Variants in EHHADH observed in about 807,000 individuals in gnomAD.
EHHADH encodes enoyl-CoA hydratase and 3-hydroxyacyl CoA dehydrogenase, also known as peroxisomal bifunctional enzyme.
Under a neutral mutation model 64.4 loss-of-function variants are expected in EHHADH, and 48 were observed. The ratio of observed to expected loss-of-function variants is 0.75; its 90% CI spans 0.59 to 0.95. The LOEUF is 0.95. Among genes scored for constraint, EHHADH ranks in the 40% least tolerant of loss-of-function variants. EHHADH has a pLI of 0.00. For synonymous variants in EHHADH, 308 were observed against 326.7 expected (o/e 0.94, Z 0.62); for missense variants, 854 against 876.6 (o/e 0.97, Z 0.33).
Position 185,192,479 on chromosome 3 carries a change from G to A in EHHADH, c.1919C>T (p.Ala640Val). Residue 640 changes from alanine (A) to valine (V), a missense_variant, in exon 7 of 7, where the codon GCT (alanine) becomes GTT (valine). Ala to Val is a moderately conservative substitution (Grantham distance 64). Transcript: ENST00000231887. Reference sequence around the variant, plus strand: ...AACATCAATGTGCTCTGGGCTAGCAGCTATCCCTTCTCCCAAGATACGGAA... The same window carrying A: ...AACATCAATGTGCTCTGGGCTAGCAACTATCCCTTCTCCCAAGATACGGAA... ...EAFRILGEGI[A>V]ASPEHIDVVY... 6.2e-7 allele frequency: 1 copy of A among 1,614,216 alleles called. No homozygotes were observed. Among genetic ancestry groups the A allele is most frequent in the East Asian group, 2.2e-5 (1 of 44,888 alleles).
chr3:185,218,163 C>T lies in EHHADH; in HGVS notation c.541G>A (p.Ala181Thr). The T allele has an allele frequency of 1.2e-6, 2 of 1,606,900 alleles. No individual in the cohort carries two copies. Among genetic ancestry groups the T allele is most frequent in the Non-Finnish European group, 1.7e-6 (2 of 1,177,240 alleles). ...KVVNSDPVEE[A>T]IRFAQRVSDQ... ...GAAACTCTCTGAGCAAATCTGATTG[C>T]TTCTTCAACCGGGTCTGAGTTTACA... Residue 181 changes from alanine to threonine, a missense_variant, in exon 5 of 7, where the codon GCA becomes ACA. By Grantham distance (58) the Ala-to-Thr change is moderately conservative. Coordinates refer to ENST00000231887, the MANE Select transcript of EHHADH (RefSeq NM_001966.4).
At chr3:185,226,011 T>C (rs555383680) in intron 4 of EHHADH, among the ~76,000 whole-genome samples, 4 of 152,314 alleles carry the variant, frequency 2.6e-5, no homozygotes, top group South Asian at 2.1e-4. Flanking sequence ...TCTATATCTA[T>C]CTATCTATCT....
intron 2 of EHHADH, among the ~76,000 whole-genome samples, chr3:185,236,072 T>C (rs768089912): frequency 1.3e-5 from 2 of 152,190 alleles, no homozygotes; most frequent in African/African-American, 4.8e-5. Flanking sequence ...ACATGTATTA[T>C]GGAAAATTTG....
intron 6 of EHHADH, among the ~76,000 whole-genome samples, chr3:185,194,396 T>C (rs1577352077): frequency 6.6e-6 from 1 of 152,124 alleles, no homozygotes; most frequent in Admixed American, 6.5e-5. Flanking sequence ...GCAGATCACC[T>C]GAGGTCAGGA....
At chr3:185,228,330 A>G (rs1719059347) in intron 4 of EHHADH, among the ~76,000 whole-genome samples, 1 of 146,294 alleles carries the variant, frequency 6.8e-6, no homozygotes, top group South Asian at 2.2e-4. Context: ...GGGTCTCTAA[A>G]TGTGGTCTAG....
chr3:185,251,116 T>C (rs913825971), intron 1 of EHHADH, among the ~76,000 whole-genome samples: 20 of 152,230 alleles, frequency 1.3e-4, no homozygotes, highest in Non-Finnish European at 2.4e-4. Context: ...CTGTTAATAC[T>C]GTCAGGCATG....
chr3:185,224,597 A>ATTT (rs1718924609), intron 4 of EHHADH, among the ~76,000 whole-genome samples: 1 of 152,034 alleles, frequency 6.6e-6, no homozygotes, highest in Non-Finnish European at 1.5e-5. Context: ...TTGTATTAGT[A>ATTT]GTGTATTACT....
At position 185,192,244 on chromosome 3, in the gene EHHADH, G is replaced by C; in HGVS notation, c.2154C>G (p.Ser718=). Residue 718 remains serine, a synonymous_variant, in exon 7 of 7, where the codon TCC becomes TCG. Coordinates refer to ENST00000231887, the MANE Select transcript of EHHADH (RefSeq NM_001966.4). ...GACTGAATCACAATTTACTGCTAGG[G>C]GAGCCTGCCAAGCTTTGCCATTCTT... ...PLKEWQSLAG[S]PSSKL 1 of 1,613,470 alleles carries C rather than the reference G, an allele frequency of 6.2e-7. No homozygotes were observed. The highest frequency in any genetic ancestry group is 8.5e-7 in the Non-Finnish European group (1 of 1,179,750).
At chr3:185,218,269 C>A in intron 4 of EHHADH, 29 bp from the exon 5 acceptor site, 1 of 1,514,594 alleles carries the variant, frequency 6.6e-7, no homozygotes, top group Admixed American at 1.7e-5. Flanking sequence ...ACAATAACAA[C>A]AAATCAAAGA....
chr3:185,211,968 AC>A lies in EHHADH; in HGVS notation c.568+6167del, dbSNP rs200786341. Among the ~76,000 whole-genome samples the A allele has an allele frequency of 3.2e-3, 480 of 152,358 alleles. 3 individuals carry two copies. The highest frequency in any genetic ancestry group is 0.011 in the African/African-American group (447 of 41,588). ...CACAGGAACAGGACCAGGGTTCATT[AC>A]AGAAAGGAAAACGGAGCATTAGGTT... is the stretch of plus-strand genomic sequence containing the variant. On this transcript the variant is annotated intron_variant, in intron 5 of 6. Transcript: ENST00000231887.
At chr3:185,236,429 T>C (rs1051616724) in intron 2 of EHHADH, among the ~76,000 whole-genome samples, 5 of 133,932 alleles carry the variant, frequency 3.7e-5, no homozygotes, top group African/African-American at 1.4e-4. Context: ...CTGTCTTCCA[T>C]GAAACCAGTC....
chr3:185,248,215 C>T, intron 2 of EHHADH, 199 bp downstream of exon 2: 1 of 548,682 alleles, frequency 1.8e-6, no homozygotes, highest in Non-Finnish European at 3.2e-6. Flanking sequence ...GCCCAATCCA[C>T]AATAAAAGAG....
chr3:185,219,057 A>T (rs545640521), intron 4 of EHHADH, among the ~76,000 whole-genome samples: 4 of 152,194 alleles, frequency 2.6e-5, no homozygotes, highest in East Asian at 1.9e-4. Flanking sequence ...GAGAAAATTT[A>T]AAAAAAAGAT....
chr3:185,253,995 C>T lies in EHHADH; in HGVS notation c.28G>A (p.Ala10Thr), dbSNP rs753915732. Residue 10 changes from alanine (A) to threonine (T), a missense_variant, in exon 1 of 7, where the codon GCC (alanine) becomes ACC (threonine). Physicochemically the swap from Ala to Thr is moderately conservative, Grantham distance 58. Transcript: ENST00000231887. Reference sequence around the variant, plus strand: ...TTTCGGAGGCGGATTAGCGCCAAGGCGTTGTGCAGCCGCGTATACTCGGCC... The same window carrying T: ...TTTCGGAGGCGGATTAGCGCCAAGGTGTTGTGCAGCCGCGTATACTCGGCC... MAEYTRLHN[A>T]LALIRLRNPP... 10 of 1,613,786 alleles carry T rather than the reference C, an allele frequency of 6.2e-6. No homozygotes were observed. The highest frequency in any genetic ancestry group is 3.3e-4 in the Middle Eastern group (2 of 6,070).
chr3:185,248,550 G>A, intron 1 of EHHADH, 33 bp from the exon 2 acceptor site: 1 of 1,484,724 alleles, frequency 6.7e-7, no homozygotes, highest in Non-Finnish European at 9.3e-7. Context: ...AAGTAAATCA[G>A]TCAGAATTAA....
chr3:185,197,859 T>C (rs1349466785), intron 6 of EHHADH, among the ~76,000 whole-genome samples: 4 of 152,100 alleles, frequency 2.6e-5, no homozygotes, highest in African/African-American at 9.7e-5. Context: ...TGCAGTGGCG[T>C]GATCTCGGAA....
At chr3:185,210,527 G>A (rs1435522877) in intron 5 of EHHADH, among the ~76,000 whole-genome samples, 1 of 151,758 alleles carries the variant, frequency 6.6e-6, no homozygotes, top group Admixed American at 6.6e-5. Flanking sequence ...GCTACTACTC[G>A]GGAGGCTGAG....
chr3:185,238,543 T>G (rs905749317), intron 2 of EHHADH, among the ~76,000 whole-genome samples: 1 of 152,198 alleles, frequency 6.6e-6, no homozygotes, highest in African/African-American at 2.4e-5. Flanking sequence ...ATTGGCCACT[T>G]GTATGTCTCC....
chr3:185,207,948 G>A (rs1229610271), intron 5 of EHHADH, among the ~76,000 whole-genome samples: 3 of 152,214 alleles, frequency 2.0e-5, no homozygotes, highest in Admixed American at 1.3e-4. Context: ...AGGAGCATAT[G>A]TGAATGGCTA....
Sources: allele counts gnomAD v4.1 joint callset (sites outside exome capture counted in the v4.1 genomes callset), GRCh38; gene constraint gnomAD v4.1.1; transcripts MANE v1.5; gene names NCBI Gene and HGNC (gene_info 2026-07-23, HGNC 2026-07-21).